IL1RAPL2: variants seen among roughly 807,000 people sequenced by gnomAD.
IL1RAPL2 encodes the protein interleukin 1 receptor accessory protein like 2.
IL1RAPL2 carries 3 observed loss-of-function variants against 44.1 expected under a neutral mutation model. The ratio of observed to expected loss-of-function variants is 0.07; its 90% confidence interval spans 0.03 to 0.18. IL1RAPL2 has a LOEUF of 0.18. Among genes scored for constraint, IL1RAPL2 ranks in the 10% least tolerant of loss-of-function variants. The pLI is 1.00. For synonymous variants in IL1RAPL2, 181 were observed against 178.8 expected (o/e 1.01, Z -0.10); for missense variants, 391 against 496.4 (o/e 0.79, Z 2.02).
chrX:104,779,549 AATGGAATGTCTAGAATAATGAAGCCTGAC>A (rs1468402750), intron 2 of IL1RAPL2, among the ~76,000 whole-genome samples: 2 of 112,223 alleles, frequency 1.8e-5, no homozygotes, highest in African/African-American at 6.5e-5. Flanking sequence ...ATTTACAAAG[AATGGAATGTCTAGAATAATGAAGCCTGAC>A]ATAGTGCTTG....
At chrX:105,536,032 T>G (rs1230295507) in intron 6 of IL1RAPL2, among the ~76,000 whole-genome samples, 1 of 111,722 alleles carries the variant, frequency 9.0e-6, no homozygotes, top group Non-Finnish European at 1.9e-5. Context: ...AGAATAGTAA[T>G]AGCTACCAAT....
intron 2 of IL1RAPL2, among the ~76,000 whole-genome samples, chrX:104,965,009 A>G (rs183106543): frequency 5.5e-4 from 61 of 111,392 alleles, no homozygotes; most frequent in African/African-American, 2.0e-3. Flanking sequence ...TGCTTTCATA[A>G]GAAATTCAGG....
intron 5 of IL1RAPL2, among the ~76,000 whole-genome samples, chrX:105,446,159 T>C (rs1357611079): frequency 8.9e-6 from 1 of 111,825 alleles, no homozygotes; most frequent in Non-Finnish European, 1.9e-5. Context: ...CTCTGCCTCT[T>C]CTTACACTTT....
In IL1RAPL2 at chrX:105,691,830, A is replaced by AT. The variant is rs1331255711; in HGVS notation, c.773-25528dup. ...TGAAATGCAAATGGAAACAAAACTG[A>AT]TTTTTTTTTATGAAGAAGGGTGGCA... On this transcript the variant is annotated intron_variant, in intron 6 of 10. Coordinates refer to ENST00000372582, the MANE Select transcript of IL1RAPL2 (RefSeq NM_017416.2). Among the ~76,000 whole-genome samples the AT allele has an allele frequency of 2.4e-4, 26 of 110,522 alleles. No homozygotes were observed. The South Asian group carries it at 3.8e-3, about 16-fold the overall frequency.
rs143392949 is a variant in IL1RAPL2, at chrX:105,519,874, C to T, written c.772+35487C>T. 5.6e-3 allele frequency among the ~76,000 whole-genome samples: 623 copies of T among 111,521 alleles called. 5 individuals are homozygous for T. The highest frequency in any genetic ancestry group is 0.019 in the African/African-American group (581 of 30,673). ...GGCATTTTCAACACCTATCTGACTA[C>T]AGAACCCTATTTTTTACTTTAAACA... On this transcript the variant is annotated intron_variant, in intron 6 of 10. Transcript: ENST00000372582.
chrX:104,847,214 A>C (rs1922077645), intron 2 of IL1RAPL2, among the ~76,000 whole-genome samples: 1 of 111,509 alleles, frequency 9.0e-6, no homozygotes, highest in South Asian at 3.7e-4. Flanking sequence ...CCCATTTGTT[A>C]ATTTTGGCTT....
intron 2 of IL1RAPL2, among the ~76,000 whole-genome samples, chrX:105,188,075 T>C (rs782203161): frequency 5.0e-4 from 56 of 111,413 alleles, no homozygotes; most frequent in Non-Finnish European, 1.0e-3. Flanking sequence ...TAGTCTTCAG[T>C]GTCTTTAAGA....
intron 2 of IL1RAPL2, among the ~76,000 whole-genome samples, chrX:104,780,537 C>T (rs141393256): frequency 8.8e-4 from 99 of 112,052 alleles, no homozygotes; most frequent in African/African-American, 3.0e-3. Flanking sequence ...TCTCACTAGG[C>T]AGTGGTTGTG....
At chrX:105,113,176 G>C (rs892789714) in intron 2 of IL1RAPL2, among the ~76,000 whole-genome samples, 16 of 112,437 alleles carry the variant, frequency 1.4e-4, no homozygotes, top group African/African-American at 4.9e-4. Flanking sequence ...TCCAGGGTCT[G>C]ATGACTAGTA....
intron 6 of IL1RAPL2, among the ~76,000 whole-genome samples, chrX:105,598,318 G>A (rs775550793): frequency 2.7e-5 from 3 of 110,327 alleles, no homozygotes; most frequent in Non-Finnish European, 5.7e-5. Flanking sequence ...GTGGGGAAAT[G>A]GGAAGATGTA....
At chrX:105,311,657 T>TAC (rs2034798924) in intron 5 of IL1RAPL2, among the ~76,000 whole-genome samples, 1 of 103,238 alleles carries the variant, frequency 9.7e-6, no homozygotes, top group Non-Finnish European at 1.9e-5. Flanking sequence ...TATATATATA[T>TAC]ACACACAGAC....
intron 5 of IL1RAPL2, among the ~76,000 whole-genome samples, chrX:105,475,226 A>T (rs992105136): frequency 9.0e-6 from 1 of 111,313 alleles, no homozygotes; most frequent in Non-Finnish European, 1.9e-5. Flanking sequence ...TTTATTATTA[A>T]TTTGCAGTAT....
At chrX:105,720,611 C>T (rs377282666) in intron 7 of IL1RAPL2, among the ~76,000 whole-genome samples, 2 of 111,202 alleles carry the variant, frequency 1.8e-5, no homozygotes, top group Non-Finnish European at 3.8e-5. Context: ...TGTTGATGGA[C>T]GACATTTGGG....
chrX:105,120,263 G>T (rs926379119), intron 2 of IL1RAPL2, among the ~76,000 whole-genome samples: 5 of 107,297 alleles, frequency 4.7e-5, no homozygotes, highest in African/African-American at 1.7e-4. Flanking sequence ...CTTTACCCAG[G>T]GAGAAAGGGA....
chrX:105,151,899 T>C (rs2033231256), intron 2 of IL1RAPL2, among the ~76,000 whole-genome samples: 1 of 111,409 alleles, frequency 9.0e-6, no homozygotes, highest in East Asian at 2.8e-4. Context: ...AATTCAGGAA[T>C]GGAAAACCAA....
intron 3 of IL1RAPL2, among the ~76,000 whole-genome samples, chrX:105,222,312 A>C (rs2033972883): frequency 8.9e-6 from 1 of 112,483 alleles, no homozygotes; most frequent in African/African-American, 3.2e-5. Context: ...TTCTTCTCTA[A>C]GGGTCCTATG....
intron 2 of IL1RAPL2, among the ~76,000 whole-genome samples, chrX:104,779,932 A>G (rs865962446): frequency 9.0e-6 from 1 of 111,685 alleles, no homozygotes; most frequent in Non-Finnish European, 1.9e-5. Context: ...GAGAAGAGTT[A>G]GATGGTTATT....
chrX:105,495,126 A>G (rs947368699), intron 6 of IL1RAPL2, among the ~76,000 whole-genome samples: 5 of 112,506 alleles, frequency 4.4e-5, no homozygotes, highest in African/African-American at 1.3e-4. Context: ...CTAAACCTGT[A>G]AGAGTTTGCT....
intron 6 of IL1RAPL2, among the ~76,000 whole-genome samples, chrX:105,691,862 G>A (rs1357992736): frequency 9.0e-6 from 1 of 111,111 alleles, no homozygotes; most frequent in Non-Finnish European, 1.9e-5. Flanking sequence ...GGCATAGGGT[G>A]AAGAAAAGTC....
Sources: gnomAD v4.1 joint callset for allele counts (sites outside exome capture counted in the v4.1 genomes callset) on GRCh38, gnomAD v4.1.1 for gene constraint, MANE v1.5 for transcripts, NCBI Gene and HGNC (gene_info 2026-07-23, HGNC 2026-07-21) for gene names.